Variants in PTPRE observed in about 807,000 individuals in gnomAD.
PTPRE encodes the protein receptor-type tyrosine-protein phosphatase epsilon.
In PTPRE, 51 loss-of-function variants were observed where a neutral mutation model predicts 102.0. That is an observed-to-expected ratio of 0.50 (90% CI 0.40 to 0.63). PTPRE has a LOEUF of 0.63. PTPRE is among the 30% of genes least tolerant of loss of function. The pLI is 0.00. For missense variants in PTPRE, 752 were observed against 915.1 expected (o/e 0.82, Z 2.30); for synonymous variants, 345 against 348.2 (o/e 0.99, Z 0.10).
intron 2 of PTPRE, among the ~76,000 whole-genome samples, chr10:127,988,310 T>C: frequency 6.7e-6 from 1 of 148,670 alleles, no homozygotes; most frequent in Non-Finnish European, 1.5e-5. Context: ...TTTTCTTTTT[T>C]TTTTTTTTTT....
intron 2 of PTPRE, among the ~76,000 whole-genome samples, chr10:128,016,515 G>A (rs1671880611): frequency 6.6e-6 from 1 of 150,634 alleles, no homozygotes; most frequent in Admixed American, 6.6e-5. Context: ...TAGAGATGGA[G>A]TCTTGCTATG....
intron 1 of PTPRE, among the ~76,000 whole-genome samples, chr10:127,966,296 G>C (rs567200888): frequency 6.6e-6 from 1 of 152,276 alleles, no homozygotes; most frequent in Admixed American, 6.5e-5. Context: ...GCTAGGAATT[G>C]CATGACAGTT....
Position 127,908,467 on chromosome 10 carries a change from T to C in PTPRE, c.-31+1158T>C, listed in dbSNP as rs1241847126. On this transcript the variant is annotated intron_variant, in intron 1 of 20. Transcript: ENST00000254667. ...GGGGAGGGGGGGTGTGGAGGGTCGT[T>C]TCCAAAACTGGGATAATGGCCAGAG... Among the ~76,000 whole-genome samples, 4 of 152,086 alleles carry C rather than the reference T, an allele frequency of 2.6e-5. No homozygotes were observed. The South Asian group carries it at 8.3e-4, about 32-fold the overall frequency.
At chr10:127,959,963 T>C (rs1271302762) in intron 1 of PTPRE, among the ~76,000 whole-genome samples, 1 of 152,228 alleles carries the variant, frequency 6.6e-6, no homozygotes, top group Non-Finnish European at 1.5e-5. Flanking sequence ...CTGTAAGAGA[T>C]GTGACGATAT....
At chr10:128,080,971 G>A (rs1168199921) in intron 20 of PTPRE, among the ~76,000 whole-genome samples, 1 of 152,150 alleles carries the variant, frequency 6.6e-6, no homozygotes, top group Non-Finnish European at 1.5e-5. Context: ...CCTTGTGCCT[G>A]CTTCTGTTCA....
intron 2 of PTPRE, among the ~76,000 whole-genome samples, chr10:128,016,313 C>A (rs1435987110): frequency 1.3e-5 from 2 of 152,092 alleles, no homozygotes; most frequent in Admixed American, 6.5e-5. Context: ...TCAGCGGGAC[C>A]CAATTTGCAG....
intron 9 of PTPRE, 39 bp downstream of exon 9, chr10:128,061,754 C>T (rs765307877): frequency 7.7e-6 from 12 of 1,564,116 alleles, no homozygotes; most frequent in African/African-American, 2.8e-5. Context: ...TTTTTGGTAA[C>T]GTGAATAGCT....
chr10:127,978,127 A>C (rs1422741489), intron 1 of PTPRE, among the ~76,000 whole-genome samples: 1 of 152,216 alleles, frequency 6.6e-6, no homozygotes, highest in Non-Finnish European at 1.5e-5. Context: ...ATCCAGTATC[A>C]TTATTGCCAT....
At chr10:127,908,818 C>G (rs1845669554) in intron 1 of PTPRE, among the ~76,000 whole-genome samples, 1 of 152,196 alleles carries the variant, frequency 6.6e-6, no homozygotes, top group African/African-American at 2.4e-5. Flanking sequence ...CCGCCCCCTC[C>G]CTGCCCCAAC....
intron 1 of PTPRE, chr10:127,964,893 C>T (rs1184612216): frequency 9.7e-6 from 4 of 411,688 alleles, no homozygotes; most frequent in South Asian, 1.8e-5. Flanking sequence ...CTGGTGTCGG[C>T]GTTCTGCTGC....
intron 1 of PTPRE, among the ~76,000 whole-genome samples, chr10:127,943,942 G>A (rs1281371988): frequency 1.3e-5 from 2 of 152,180 alleles, no homozygotes; most frequent in East Asian, 3.9e-4. Flanking sequence ...TGGGTGGAAG[G>A]AGGAGGAAGT....
chr10:128,049,995 G>A (rs536607723), intron 6 of PTPRE, among the ~76,000 whole-genome samples: 6 of 152,218 alleles, frequency 3.9e-5, no homozygotes, highest in African/African-American at 9.6e-5. Context: ...AGCGCGGCAC[G>A]GTATGACAAT....
At chr10:127,952,389 A>G (rs757650253) in intron 1 of PTPRE, among the ~76,000 whole-genome samples, 3 of 147,974 alleles carry the variant, frequency 2.0e-5, no homozygotes, top group Non-Finnish European at 4.5e-5. Flanking sequence ...TTAGTCTAAG[A>G]TGAAAGTTTA....
intron 2 of PTPRE, among the ~76,000 whole-genome samples, chr10:128,004,761 T>G (rs1024866955): frequency 2.7e-4 from 41 of 152,218 alleles, no homozygotes; most frequent in African/African-American, 9.9e-4. Context: ...GATATATACC[T>G]AGGAGTGGAA....
chr10:127,941,752 A>C (rs1227604528), intron 1 of PTPRE, among the ~76,000 whole-genome samples: 1 of 151,022 alleles, frequency 6.6e-6, no homozygotes, highest in Non-Finnish European at 1.5e-5. Flanking sequence ...CTACAATACA[A>C]CTCCCACCCC....
chr10:127,915,581 G>A lies in PTPRE; in HGVS notation c.-31+8272G>A, dbSNP rs150512491. Reference sequence around the variant, plus strand: ...AGTCTGTCCATTTAAATTCTTTTGCGCAAAGTCCAGATTTGGACCCAAAGT... The same window carrying A: ...AGTCTGTCCATTTAAATTCTTTTGCACAAAGTCCAGATTTGGACCCAAAGT... On this transcript the variant is annotated intron_variant, in intron 1 of 20. Coordinates refer to ENST00000254667, the MANE Select transcript of PTPRE (RefSeq NM_006504.6). 6.1e-4 allele frequency among the ~76,000 whole-genome samples: 93 copies of A among 152,230 alleles called. No homozygotes were observed. In the East Asian group the frequency reaches 0.014, roughly 23 times the overall value.
chr10:128,028,207 G>A lies in PTPRE; in HGVS notation c.-7-12668G>A, dbSNP rs1846428787. Among the ~76,000 whole-genome samples, 2 of 152,184 alleles carry A rather than the reference G, an allele frequency of 1.3e-5. No individual in the cohort carries two copies. On this transcript the variant is annotated intron_variant, in intron 2 of 20. Transcript: ENST00000254667. This position sits in a 1 kb window ranked among gnomAD's most constrained non-coding sequence, Gnocchi z 4.5. ...AGGTTAGCCATGTTTGTCAGGCTCA[G>A]GGAGAAGTGAGGAGGCCTCCTTACC...
chr10:128,056,076 G>A (rs778843533), intron 6 of PTPRE, 47 bp from the exon 7 acceptor site: 1 of 1,432,374 alleles, frequency 7.0e-7, no homozygotes, highest in East Asian at 2.3e-5. Flanking sequence ...CATGAGCATG[G>A]TGCTTGAATC....
At chr10:128,079,889 T>G (rs894759457) in intron 20 of PTPRE, among the ~76,000 whole-genome samples, 194 bp downstream of exon 20, 11 of 152,154 alleles carry the variant, frequency 7.2e-5, no homozygotes, top group African/African-American at 2.7e-4. Context: ...GACGTGGGTG[T>G]CTTCTGGGCA....
Sources: allele counts gnomAD v4.1 joint callset (sites outside exome capture counted in the v4.1 genomes callset), GRCh38; gene constraint gnomAD v4.1.1; non-coding constraint Gnocchi (gnomAD v3.1); transcripts MANE v1.5; gene names NCBI Gene and HGNC (gene_info 2026-07-23, HGNC 2026-07-21).